The following RNF180 variants were observed in gnomAD, a reference collection of about 807,000 sequenced individuals.
The protein encoded by RNF180 is E3 ubiquitin-protein ligase RNF180.
Under a neutral mutation model 59.2 loss-of-function variants are expected in RNF180, and 38 were observed. The ratio of observed to expected loss-of-function variants is 0.64; its 90% confidence interval spans 0.50 to 0.84. The LOEUF (loss-of-function observed/expected upper bound fraction) is 0.84, where lower values mean the gene tolerates loss of function less well. Among genes scored for constraint, RNF180 ranks in the 40% least tolerant of loss-of-function variants. The pLI is 0.00. For missense variants in RNF180, 705 were observed against 700.9 expected (o/e 1.01, Z -0.07); for synonymous variants, 262 against 240.3 (o/e 1.09, Z -0.84).
intron 2 of RNF180, among the ~76,000 whole-genome samples, chr5:64,201,850 C>A (rs1173105475): frequency 1.3e-5 from 2 of 152,170 alleles, no homozygotes; most frequent in Non-Finnish European, 2.9e-5. Context: ...AGTGATTCTC[C>A]TGCCTCAGCC....
intron 1 of RNF180, among the ~76,000 whole-genome samples, chr5:64,181,222 T>C (rs534613354): frequency 1.3e-5 from 2 of 152,262 alleles, no homozygotes; most frequent in South Asian, 4.1e-4. Flanking sequence ...TCTTTCCCGG[T>C]CCACTGACTC....
At chr5:64,217,446 T>C in intron 5 of RNF180, 50 bp downstream of exon 5, 2 of 1,348,440 alleles carry the variant, frequency 1.5e-6, no homozygotes, top group Non-Finnish European at 9.5e-7. Context: ...TTTTCCAGAA[T>C]GGCTGTACCA....
chr5:64,258,237 A>G (rs1449124821), intron 5 of RNF180, among the ~76,000 whole-genome samples: 1 of 152,224 alleles, frequency 6.6e-6, no homozygotes, highest in Non-Finnish European at 1.5e-5. Flanking sequence ...GGAAGTATGT[A>G]GAGACCAAAA....
rs992357369 is a variant in RNF180, at chr5:64,372,198, G to A, written c.*2384G>A. ...TTCACACATTCTTTTTTAAAAAAAT[G>A]CCCTAATTGAGGTATATTTCTGAAT... On this transcript the variant is annotated 3_prime_UTR_variant, in exon 8 of 8. Transcript: ENST00000389100. The A allele has an allele frequency of 6.6e-6, 1 of 151,538 alleles. No individual in the cohort carries two copies. Among genetic ancestry groups the A allele is most frequent in the African/African-American group, 2.4e-5 (1 of 41,290 alleles). The allele number at this position is 151,538 out of a possible 1,614,324, so 9.4% of individuals were successfully genotyped here.
chr5:64,248,962 G>A (rs1365222380), intron 5 of RNF180, among the ~76,000 whole-genome samples: 1 of 152,126 alleles, frequency 6.6e-6, no homozygotes, highest in African/African-American at 2.4e-5. Flanking sequence ...CAGGGACGAG[G>A]ATGAAGCTGG....
chr5:64,321,387 A>G (rs1744339804), intron 5 of RNF180, among the ~76,000 whole-genome samples: 1 of 152,154 alleles, frequency 6.6e-6, no homozygotes, highest in Admixed American at 6.5e-5. Flanking sequence ...CAATAGACAA[A>G]CAGCCAAATC....
chr5:64,182,548 C>A (rs1254011449), intron 1 of RNF180, among the ~76,000 whole-genome samples: 1 of 152,138 alleles, frequency 6.6e-6, no homozygotes, highest in Non-Finnish European at 1.5e-5. Context: ...GACAGCTTGG[C>A]TGTTTTAGTA....
rs963676467 is a variant in RNF180 at position 64,325,266 on chromosome 5, G to A, written c.1308G>A (p.Leu436=). 9.0e-6 allele frequency: 14 copies of A among 1,551,376 alleles called. No individual in the cohort carries two copies. The Admixed American group carries it at 2.7e-4, about 30-fold the overall frequency. ...ATAGCTACATCTGTGCAGTGTGTCTGGACGTTTATTTCAACCCTTATATGT... is the reference window on the plus strand; with the variant it reads ...ATAGCTACATCTGTGCAGTGTGTCTAGACGTTTATTTCAACCCTTATATGT... ...EKDSYICAVC[L]DVYFNPYMCY... The change falls in exon 6 of 8, where the codon CTG becomes CTA. Residue 436 remains leucine, a synonymous_variant. Transcript: ENST00000389100.
chr5:64,261,352 T>G (rs1744329639), intron 5 of RNF180, among the ~76,000 whole-genome samples: 1 of 152,118 alleles, frequency 6.6e-6, no homozygotes, highest in African/African-American at 2.4e-5. Context: ...GCATCCACCT[T>G]TCAACACAGA....
At chr5:64,326,188 A>G (rs1307358663) in intron 6 of RNF180, among the ~76,000 whole-genome samples, 1 of 152,102 alleles carries the variant, frequency 6.6e-6, no homozygotes, top group African/African-American at 2.4e-5. Flanking sequence ...AAGGAAATAC[A>G]AGGACCCACC....
In RNF180 at chr5:64,282,123, G is replaced by T. The variant is rs116951149; in HGVS notation, c.1228-43063G>T. ...TTTTGGAATAGTTTCATTAGTAATG[G>T]TACCAGCTCCTCTTCATATGTCTGG... On this transcript the variant is annotated intron_variant, in intron 5 of 7. Transcript: ENST00000389100. 2.3e-3 allele frequency among the ~76,000 whole-genome samples: 350 copies of T among 152,096 alleles called. 14 individuals carry two copies. In the East Asian group the frequency reaches 0.064, roughly 28 times the overall value.
At chr5:64,212,775 T>C (rs1752376612) in intron 3 of RNF180, among the ~76,000 whole-genome samples, 1 of 152,176 alleles carries the variant, frequency 6.6e-6, no homozygotes, top group South Asian at 2.1e-4. Flanking sequence ...TTTTCACAAT[T>C]CAAAACTCCT....
chr5:64,291,024 CT>C (rs1368691564), intron 5 of RNF180, among the ~76,000 whole-genome samples: 4 of 152,170 alleles, frequency 2.6e-5, no homozygotes, highest in African/African-American at 4.8e-5. Flanking sequence ...CAAGGCAGGC[CT>C]GGTGGTGACA....
chr5:64,362,461 AC>A (rs1746295442), intron 7 of RNF180, among the ~76,000 whole-genome samples: 3 of 151,732 alleles, frequency 2.0e-5, no homozygotes, highest in Admixed American at 2.0e-4. Flanking sequence ...GTGTATAGAT[AC>A]CATATTTTCT....
intron 1 of RNF180, among the ~76,000 whole-genome samples, chr5:64,194,579 T>C (rs1751357317): frequency 6.6e-6 from 1 of 152,222 alleles, no homozygotes; most frequent in South Asian, 2.1e-4. Flanking sequence ...GGACTCGCCA[T>C]ACTGACTTCC....
intron 7 of RNF180, among the ~76,000 whole-genome samples, chr5:64,336,514 G>C (rs1745132445): frequency 1.3e-5 from 2 of 152,182 alleles, no homozygotes; most frequent in Non-Finnish European, 2.9e-5. Context: ...TGGGTCATAG[G>C]ATATGAGTAT....
chr5:64,339,768 A>C (rs1745286180), intron 7 of RNF180, among the ~76,000 whole-genome samples: 3 of 152,180 alleles, frequency 2.0e-5, no homozygotes, highest in Non-Finnish European at 1.5e-5. Context: ...AGCTTGTATA[A>C]AAGCTTGAAC....
chr5:64,346,468 C>T (rs1745566825), intron 7 of RNF180, among the ~76,000 whole-genome samples: 1 of 138,720 alleles, frequency 7.2e-6, no homozygotes. Context: ...CTCCCAGGTT[C>T]AAGTAATTCT....
chr5:64,323,535 GT>G (rs1561261185), intron 5 of RNF180, among the ~76,000 whole-genome samples: 1 of 150,906 alleles, frequency 6.6e-6, no homozygotes, highest in Non-Finnish European at 1.5e-5. Flanking sequence ...AAGACTCGGT[GT>G]CAAAATAATA....
Sources: gnomAD v4.1 joint callset for allele counts (sites outside exome capture counted in the v4.1 genomes callset) on GRCh38, gnomAD v4.1.1 for gene constraint, MANE v1.5 for transcripts, NCBI Gene and HGNC (gene_info 2026-07-23, HGNC 2026-07-21) for gene names.